HECTD4: variants seen among roughly 807,000 people sequenced by gnomAD.
HECTD4 encodes probable E3 ubiquitin-protein ligase HECTD4.
A neutral mutation model predicts 471.5 loss-of-function variants in HECTD4; 114 were observed. That is an observed-to-expected ratio of 0.24 (90% CI 0.21 to 0.28). The LOEUF (loss-of-function observed/expected upper bound fraction) is 0.28. HECTD4 is among the 10% of genes least tolerant of loss of function. HECTD4 has a pLI of 1.00. For synonymous variants in HECTD4, 2,012 were observed against 2,256.0 expected, an observed-to-expected ratio of 0.89 and a Z score of 3.07; for missense variants, 3,866 against 5,651.5, an observed-to-expected ratio of 0.68 and a Z score of 10.13.
chr12:112,336,386 G>C lies in HECTD4; in HGVS notation c.178-16644C>G, dbSNP rs2035958853. On this transcript the variant is annotated intron_variant, in intron 1 of 75. Transcript: ENST00000682272. ...AAAATACAAAAAATTAGCTGGGCAT[G>C]GTGGCAGGCACCTGTAGTCCCAGCT... Among the ~76,000 whole-genome samples, 4 of 151,968 alleles carry C rather than the reference G, an allele frequency of 2.6e-5. No individual in the cohort carries two copies. The South Asian group carries it at 8.3e-4, about 32-fold the overall frequency.
intron 58 of HECTD4, 87 bp from the exon 59 acceptor site, chr12:112,192,852 T>C: frequency 7.8e-7 from 1 of 1,276,876 alleles, no homozygotes; most frequent in South Asian, 1.5e-5. Flanking sequence ...CAGGGGACGT[T>C]AGATGAGAAC....
chr12:112,169,006 C>G (rs960658469), intron 70 of HECTD4, among the ~76,000 whole-genome samples: 18 of 152,242 alleles, frequency 1.2e-4, no homozygotes, highest in Non-Finnish European at 2.9e-5. Flanking sequence ...GCCTTTCCTT[C>G]CAGTGTGCCC....
At chr12:112,366,310 C>G (rs2135754940) in intron 1 of HECTD4, among the ~76,000 whole-genome samples, 1 of 152,006 alleles carries the variant, frequency 6.6e-6, no homozygotes, top group Non-Finnish European at 1.5e-5. Flanking sequence ...GAGTTCAAGA[C>G]AAGCCTGGGC....
intron 47 of HECTD4, among the ~76,000 whole-genome samples, 189 bp downstream of exon 47, chr12:112,216,584 A>T (rs1219287151): frequency 6.6e-6 from 1 of 152,218 alleles, no homozygotes; most frequent in African/African-American, 2.4e-5. Flanking sequence ...ACAGATTTTT[A>T]AAAAATTACA....
At chr12:112,202,092 T>C (rs963007751) in intron 54 of HECTD4, among the ~76,000 whole-genome samples, 1 of 152,198 alleles carries the variant, frequency 6.6e-6, no homozygotes, top group Non-Finnish European at 1.5e-5. Flanking sequence ...AGATTAACAG[T>C]ATTATTGATG....
chr12:112,210,804 C>A (rs1222745417), intron 49 of HECTD4, among the ~76,000 whole-genome samples: 1 of 152,250 alleles, frequency 6.6e-6, no homozygotes, highest in Non-Finnish European at 1.5e-5. Flanking sequence ...ATTCCTCCAA[C>A]TGATCATAAC....
chr12:112,168,259 A>C (rs2031062315), intron 70 of HECTD4, among the ~76,000 whole-genome samples: 1 of 152,224 alleles, frequency 6.6e-6, no homozygotes, highest in Non-Finnish European at 1.5e-5. Context: ...CACAGCTGCA[A>C]GCCTGCCTGA....
chr12:112,336,876 A>T (rs1261494835), intron 1 of HECTD4, among the ~76,000 whole-genome samples: 1 of 152,196 alleles, frequency 6.6e-6, no homozygotes, highest in African/African-American at 2.4e-5. Context: ...CAAATTTGTT[A>T]TAATAAGTTT....
At chr12:112,201,147 G>A (rs1356794774) in intron 54 of HECTD4, 1 of 449,954 alleles carries the variant, frequency 2.2e-6, no homozygotes, top group Admixed American at 2.4e-5. Flanking sequence ...AAGCTGGAGT[G>A]CAGTGGTGTC....
chr12:112,277,961 T>C (rs2034561719), intron 9 of HECTD4, among the ~76,000 whole-genome samples: 1 of 152,190 alleles, frequency 6.6e-6, no homozygotes, highest in African/African-American at 2.4e-5. Context: ...CTGCATCTAC[T>C]TTTATAGCTC....
At chr12:112,170,599 G>C in intron 68 of HECTD4, 147 bp from the exon 69 acceptor site, 1 of 947,830 alleles carries the variant, frequency 1.1e-6, no homozygotes, top group Non-Finnish European at 1.6e-6. Context: ...AGGGTGGTGT[G>C]TCAGCATCCG....
At chr12:112,376,538 G>A (rs536492631) in intron 1 of HECTD4, among the ~76,000 whole-genome samples, 9 of 152,180 alleles carry the variant, frequency 5.9e-5, no homozygotes, top group African/African-American at 1.9e-4. Context: ...GAGCCACCAC[G>A]CCCGGCCACA....
At chr12:112,178,220 G>C (rs2137018197) in intron 64 of HECTD4, among the ~76,000 whole-genome samples, 1 of 152,278 alleles carries the variant, frequency 6.6e-6, no homozygotes, top group Non-Finnish European at 1.5e-5. Flanking sequence ...GGGACCACAG[G>C]TGCATGCCAC....
chr12:112,330,137 C>T (rs1566114203), intron 1 of HECTD4, among the ~76,000 whole-genome samples: 1 of 151,764 alleles, frequency 6.6e-6, no homozygotes, highest in Non-Finnish European at 1.5e-5. Context: ...ATTAGCCGGG[C>T]GTGGTGATGG....
At position 112,163,468 on chromosome 12, in the gene HECTD4, T is replaced by C. The variant is rs1171521412; in HGVS notation, c.12897+74A>G. The C allele has an allele frequency of 1.5e-6, 2 of 1,299,714 alleles. No individual in the cohort carries two copies. The highest frequency in any genetic ancestry group is 3.0e-5 in the African/African-American group (2 of 66,610). 80.5% of individuals were successfully genotyped at this position (1,299,714 alleles called of 1,614,324 possible). ...ACAGGCCACTGCCGATGCCTGCTGCTGGAGTTGAGGGTGACAGGGAGGCAC... is the reference window on the plus strand; with the variant it reads ...ACAGGCCACTGCCGATGCCTGCTGCCGGAGTTGAGGGTGACAGGGAGGCAC... On this transcript the variant is annotated intron_variant, in intron 74 of 75. Transcript: ENST00000682272. This position sits in a 1 kb window ranked among gnomAD's most constrained non-coding sequence, Gnocchi z 8.2.
intron 9 of HECTD4, among the ~76,000 whole-genome samples, chr12:112,276,826 A>C (rs2034538227): frequency 6.6e-6 from 1 of 152,258 alleles, no homozygotes; most frequent in South Asian, 2.1e-4. Context: ...GCCAATAAGC[A>C]CATGAAAAGA....
At chr12:112,182,794 G>A (rs2031725379) in intron 62 of HECTD4, among the ~76,000 whole-genome samples, 1 of 152,230 alleles carries the variant, frequency 6.6e-6, no homozygotes, top group African/African-American at 2.4e-5. Flanking sequence ...GGAGAAGGGG[G>A]AACATTTCTT....
chr12:112,368,914 G>C (rs2036615770), intron 1 of HECTD4, among the ~76,000 whole-genome samples: 1 of 152,164 alleles, frequency 6.6e-6, no homozygotes, highest in East Asian at 1.9e-4. Context: ...GCATGTAAGA[G>C]AGAAAATTTT....
chr12:112,239,270 G>A lies in HECTD4; in HGVS notation c.5106-34C>T, dbSNP rs778685929. ...GGGTCATGGATTACACTAGATAAAC[G>A]TAACTGACCGACACTCAGGAAACTC... On this transcript the variant is annotated intron_variant, in intron 33 of 75. Coordinates refer to ENST00000682272, the MANE Select transcript of HECTD4 (RefSeq NM_001388303.1). This position sits in a 1 kb window ranked among gnomAD's most constrained non-coding sequence, Gnocchi z 4.9. 1.3e-6 allele frequency: 2 copies of A among 1,551,194 alleles called. No individual in the cohort carries two copies. The highest frequency in any genetic ancestry group is 4.7e-5 in the East Asian group (2 of 42,922).
Sources: gnomAD v4.1 joint callset for allele counts (sites outside exome capture counted in the v4.1 genomes callset) on GRCh38, gnomAD v4.1.1 for gene constraint, Gnocchi (gnomAD v3.1) non-coding constraint, MANE v1.5 for transcripts, NCBI Gene and HGNC (gene_info 2026-07-23, HGNC 2026-07-21) for gene names.